Variants in ATP1A3 observed in about 807,000 individuals in gnomAD.
The protein encoded by ATP1A3 is ATPase Na+/K+ transporting subunit alpha 3, also known as sodium/potassium-transporting ATPase subunit alpha-3.
ATP1A3 carries 12 observed loss-of-function variants against 108.8 expected under a neutral mutation model. That is an observed-to-expected ratio of 0.11 (90% confidence interval 0.07 to 0.18). The LOEUF is 0.18. ATP1A3 is among the 10% of genes least tolerant of loss of function. The probability of loss-of-function intolerance (pLI) is 1.00; values close to 1 mark genes in which losing one functional copy is unlikely to be tolerated. For synonymous variants in ATP1A3, 539 were observed against 564.5 expected (o/e 0.95, Z 0.64); for missense variants, 498 against 1,387.7 (o/e 0.36, Z 10.19).
rs782381694 is a variant in ATP1A3, at chr19:41,978,058, G to A, written c.1821C>T (p.Thr607=). 2.0e-5 allele frequency: 32 copies of A among 1,614,122 alleles called. No individual in the cohort carries two copies. Among genetic ancestry groups the A allele is most frequent in the Admixed American group, 1.5e-4 (9 of 60,014 alleles). ...RSAGIKVIMV[T]GDHPITAKAI... is the part of the protein sequence containing the mutation. The stretch of plus-strand genomic sequence containing the variant: ...CCTTGGCCGTGATGGGGTGATCGCC[G>A]GTGACCATGATGACCTGCAGGCATT... Residue 607 remains threonine (T), a synonymous_variant, in exon 14 of 23, where the codon ACC becomes ACT. Transcript: ENST00000648268. This position sits in a 1 kb window ranked among gnomAD's most constrained non-coding sequence, Gnocchi z 8.3.
chr19:41,993,522 C>T (rs1599731039), intron 1 of ATP1A3: 2 of 1,218,932 alleles, frequency 1.6e-6, no homozygotes, highest in East Asian at 2.6e-5. Context: ...CACACACACA[C>T]ACACACACAC....
At position 41,981,725 on chromosome 19, in the gene ATP1A3, G is replaced by A. The variant is rs1457229220; in HGVS notation, c.1299C>T (p.Leu433=). 1 of 1,614,192 alleles carries A rather than the reference G, an allele frequency of 6.2e-7. No homozygotes were observed. Among genetic ancestry groups the A allele is most frequent in the African/African-American group, 1.3e-5 (1 of 75,048 alleles). ...FKGGQDNIPV[L]KRDVAGDASE... ...TGAGGCCAGTAGCTGAACCCACCTT[G>A]AGCACAGGGATGTTGTCCTGACCAC... Residue 433 remains leucine, a synonymous_variant, in exon 10 of 23, where the codon CTC becomes CTT. Transcript: ENST00000648268. This position sits in a 1 kb window ranked among gnomAD's most constrained non-coding sequence, Gnocchi z 5.0.
intron 14 of ATP1A3, among the ~76,000 whole-genome samples, 161 bp downstream of exon 14, chr19:41,977,775 T>A (rs1448955131): frequency 6.6e-6 from 1 of 152,160 alleles, no homozygotes; most frequent in Non-Finnish European, 1.5e-5. Context: ...GTGGCTGCAA[T>A]GTCCCCACAC....
At chr19:41,980,773 T>A (rs1337876570) in intron 11 of ATP1A3, among the ~76,000 whole-genome samples, 2 of 151,936 alleles carry the variant, frequency 1.3e-5, no homozygotes, top group Non-Finnish European at 2.9e-5. Context: ...TAGCTGGGCA[T>A]GGTGGCGGGC....
chr19:41,984,450 C>T, intron 8 of ATP1A3: 1 of 168,974 alleles, frequency 5.9e-6, no homozygotes, highest in Admixed American at 5.5e-5. Flanking sequence ...GTCTTGAACT[C>T]CTGACCTCAG....
intron 1 of ATP1A3, chr19:41,993,425 C>T: frequency 6.5e-7 from 1 of 1,535,778 alleles, no homozygotes; most frequent in South Asian, 1.2e-5. Flanking sequence ...TCCTCCCAGC[C>T]TCCCATGCCT....
At chr19:41,983,766 ATTTTT>A (rs556483707) in intron 8 of ATP1A3, among the ~76,000 whole-genome samples, 4 of 101,264 alleles carry the variant, frequency 4.0e-5, no homozygotes, top group Admixed American at 1.1e-4. Context: ...ATTTAAAAAA[ATTTTT>A]TTTTTTTTTT....
At chr19:41,991,623 A>C (rs999458320) in intron 1 of ATP1A3, among the ~76,000 whole-genome samples, 1 of 152,108 alleles carries the variant, frequency 6.6e-6, no homozygotes, top group Non-Finnish European at 1.5e-5. Flanking sequence ...AGAGAGGGAG[A>C]AAATCAGCTG....
Position 41,988,477 on chromosome 19 carries a change from A to G in ATP1A3, c.92T>C (p.Met31Thr), listed in dbSNP as rs1461631461. 6.2e-7 allele frequency: 1 copy of G among 1,614,148 alleles called. No individual in the cohort carries two copies. The highest frequency in any genetic ancestry group is 8.5e-7 in the Non-Finnish European group (1 of 1,180,008). ...GTGCGGGCAGAGGGCGAGGCTTACC[A>G]TAGCCACCTCCTTCTTGAGGTCATC... ...DLDDLKKEVAMTEHKMSVEEV... is the reference protein window; with the variant it reads ...DLDDLKKEVATTEHKMSVEEV... Residue 31 changes from methionine (M) to threonine (T), a missense_variant and splice_region_variant, in exon 2 of 23, where the codon ATG becomes ACG. Physicochemically the swap from Met to Thr is moderately conservative, Grantham distance 81 (BLOSUM62 -1). Coordinates refer to ENST00000648268, the MANE Select transcript of ATP1A3 (RefSeq NM_152296.5). This position sits in a 1 kb window ranked among gnomAD's most constrained non-coding sequence, Gnocchi z 5.3.
chr19:41,972,820 A>AGG (rs1248325847), intron 16 of ATP1A3, among the ~76,000 whole-genome samples: 10 of 125,472 alleles, frequency 8.0e-5, no homozygotes, highest in African/African-American at 3.3e-4. Flanking sequence ...GAAGGAAGGA[A>AGG]GGAAGGAAGG....
chr19:41,989,621 G>A (rs752318381), intron 1 of ATP1A3, among the ~76,000 whole-genome samples: 14 of 152,000 alleles, frequency 9.2e-5, no homozygotes, highest in Middle Eastern at 3.2e-3. Context: ...GCCCGGCCTC[G>A]TATCTGTCTT....
chr19:41,966,848 C>A lies in ATP1A3; in HGVS notation c.*89G>T, dbSNP rs782644394. The stretch of plus-strand genomic sequence containing the variant: ...GGGGCCACAGGAAGAGAGGGCTCCT[C>A]CCCCCAGAATACAAAATTGGGGGGA... On this transcript the variant is annotated 3_prime_UTR_variant, in exon 23 of 23. Coordinates refer to ENST00000648268, the MANE Select transcript of ATP1A3 (RefSeq NM_152296.5). 2 of 1,547,640 alleles carry A rather than the reference C, an allele frequency of 1.3e-6. No homozygotes were observed. The highest frequency in any genetic ancestry group is 2.4e-5 in the South Asian group (2 of 83,938).
rs189555627 is a variant in ATP1A3 at position 41,970,288 on chromosome 19, C to T, written c.2439G>A (p.Ala813=). The change falls in exon 18 of 23, where the codon GCG becomes GCA. Residue 813 remains alanine (A), a synonymous_variant. Coordinates refer to ENST00000648268, the MANE Select transcript of ATP1A3 (RefSeq NM_152296.5). ...GTDMVPAISL[A]YEAAESDIMK... The stretch of plus-strand genomic sequence containing the variant: ...TGATGTCGCTTTCGGCAGCCTCGTA[C>T]GCCAGTGAGATGGCAGGGACCTAGG... 67 of 1,614,130 alleles carry T rather than the reference C, an allele frequency of 4.2e-5. No individual in the cohort carries two copies. Among genetic ancestry groups the T allele is most frequent in the African/African-American group, 9.3e-5 (7 of 75,020 alleles).
chr19:41,967,472 G>C lies in ATP1A3; in HGVS notation c.2922-132C>G. The C allele has an allele frequency of 6.5e-6, 8 of 1,236,070 alleles. No homozygotes were observed. Among genetic ancestry groups the C allele is most frequent in the Non-Finnish European group, 9.0e-6 (8 of 887,414 alleles). The allele number at this position is 1,236,070 out of a possible 1,614,324, so 76.6% of individuals were successfully genotyped here. ...CTCACAGGTGGAGGGTGCCCTGGGC[G>C]GGGCTGGGGCCTGGGGTCTTCGGAG... On this transcript the variant is annotated intron_variant, in intron 21 of 22. Transcript: ENST00000648268. This position sits in a 1 kb window ranked among gnomAD's most constrained non-coding sequence, Gnocchi z 4.2.
Position 41,969,471 on chromosome 19 carries a change from G to C in ATP1A3, c.2652C>G (p.Thr884=). 1 of 1,614,174 alleles carries C rather than the reference G, an allele frequency of 6.2e-7. No homozygotes were observed. The highest frequency in any genetic ancestry group is 8.5e-7 in the Non-Finnish European group (1 of 1,180,026). The part of the protein sequence containing the change: ...VGIRLNWDDR[T]VNDLEDSYGQ... ...CGTAACTGTCTTCCAGGTCATTGAC[G>C]GTGCGGTCATCCCAGTTCAGCCGGA... Residue 884 remains threonine, a synonymous_variant, in exon 19 of 23, where the codon ACC becomes ACG. Transcript: ENST00000648268.
At chr19:41,994,023 G>A (rs2075364647) in intron 1 of ATP1A3, 48 bp downstream of exon 1, 3 of 1,607,950 alleles carry the variant, frequency 1.9e-6, no homozygotes, top group African/African-American at 2.7e-5. Flanking sequence ...AATGTCACCG[G>A]CCCCACAATG....
At chr19:41,993,627 G>T (rs1555868099) in intron 1 of ATP1A3, 1 of 751,650 alleles carries the variant, frequency 1.3e-6, no homozygotes, top group African/African-American at 1.8e-5. Flanking sequence ...GGACCTATCC[G>T]CACCCTGCCA....
At position 41,966,622 on chromosome 19, in the gene ATP1A3, C is replaced by T. The variant is rs571857150; in HGVS notation, c.*315G>A. On this transcript the variant is annotated 3_prime_UTR_variant, in exon 23 of 23. Coordinates refer to ENST00000648268, the MANE Select transcript of ATP1A3 (RefSeq NM_152296.5). ...GATATATTTGATAATTGTCCAGAAC[C>T]AGAGATGGCATCAGCCGGGGGGCTG... 1,614 of 1,473,200 alleles carry T rather than the reference C, an allele frequency of 1.1e-3. 2 individuals carry two copies. The highest frequency in any genetic ancestry group is 1.4e-3 in the Non-Finnish European group (1,572 of 1,097,772). 91.3% of individuals were successfully genotyped at this position (1,473,200 alleles called of 1,614,324 possible).
At chr19:41,969,284 G>C in intron 19 of ATP1A3, 151 bp downstream of exon 19, 1 of 1,355,130 alleles carries the variant, frequency 7.4e-7, no homozygotes, top group East Asian at 2.3e-5. Flanking sequence ...CTGGGCCAAG[G>C]GCATCCAGGA....
Sources: allele counts gnomAD v4.1 joint callset (sites outside exome capture counted in the v4.1 genomes callset), GRCh38; gene constraint gnomAD v4.1.1; non-coding constraint Gnocchi (gnomAD v3.1); transcripts MANE v1.5; gene names NCBI Gene and HGNC (gene_info 2026-07-23, HGNC 2026-07-21).